Variants in UTRN observed in about 807,000 individuals in gnomAD.
UTRN encodes the protein dystrophin-related protein 1.
Under a neutral mutation model 463.9 loss-of-function variants are expected in UTRN, and 283 were observed. The ratio of observed to expected loss-of-function variants is 0.61; its 90% CI spans 0.55 to 0.67. The LOEUF (loss-of-function observed/expected upper bound fraction) is 0.67, where lower values mean the gene tolerates loss of function less well. Ranked by LOEUF, UTRN falls within the 30% of genes least tolerant of loss-of-function variation. UTRN has a pLI of 0.00. For missense variants in UTRN, 3,922 were observed against 4,084.3 expected, an observed-to-expected ratio of 0.96 and a Z score of 1.08; for synonymous variants, 1,442 against 1,431.5, an observed-to-expected ratio of 1.01 and a Z score of -0.17.
rs374839785 is a variant in UTRN at position 144,693,615 on chromosome 6, T to C, written c.7653-6472T>C. On this transcript the variant is annotated intron_variant, in intron 52 of 74. Coordinates refer to ENST00000367545, the MANE Select transcript of UTRN (RefSeq NM_007124.3). ...TTGTAGAGATCTTTCCCTTCCCTGA[T>C]TAGCTATACTCGTAAGTAATTTATT... Among the ~76,000 whole-genome samples the C allele has an allele frequency of 1.1e-4, 16 of 152,310 alleles. No homozygotes were observed. In the East Asian group the frequency reaches 1.3e-3, roughly 13 times the overall value.
chr6:144,338,324 A>G (rs751269723), intron 2 of UTRN, among the ~76,000 whole-genome samples: 1 of 152,106 alleles, frequency 6.6e-6, no homozygotes, highest in Non-Finnish European at 1.5e-5. Context: ...TCCTAGCTGG[A>G]CACAAATGGG....
chr6:144,292,013 GT>G, intron 2 of UTRN, 106 bp downstream of exon 2: 1 of 1,065,990 alleles, frequency 9.4e-7, no homozygotes, highest in Non-Finnish European at 1.3e-6. Flanking sequence ...TGGAGGTGAA[GT>G]TCTTTTAAGA....
chr6:144,834,153 C>T (rs1197302581), intron 69 of UTRN, among the ~76,000 whole-genome samples: 1 of 152,158 alleles, frequency 6.6e-6, no homozygotes, highest in Non-Finnish European at 1.5e-5. Context: ...TTTCCAGTTG[C>T]TAACTGTGTT....
intron 53 of UTRN, among the ~76,000 whole-genome samples, chr6:144,719,342 G>A (rs1474825921): frequency 1.3e-5 from 2 of 152,148 alleles, no homozygotes; most frequent in Non-Finnish European, 2.9e-5. Context: ...ACTTTGGGAG[G>A]CCGAGGAAGG....
At chr6:144,495,078 T>G (rs1434203803) in intron 33 of UTRN, among the ~76,000 whole-genome samples, 1 of 152,260 alleles carries the variant, frequency 6.6e-6, no homozygotes, top group Non-Finnish European at 1.5e-5. Context: ...GGAGTCCAGC[T>G]GGCTTCACCC....
At chr6:144,569,468 C>G (rs967154012) in intron 50 of UTRN, among the ~76,000 whole-genome samples, 6 of 152,002 alleles carry the variant, frequency 3.9e-5, no homozygotes, top group African/African-American at 1.2e-4. Context: ...TCACCAAATT[C>G]ATACATGAGG....
intron 54 of UTRN, among the ~76,000 whole-genome samples, chr6:144,743,629 A>T (rs1478490642): frequency 2.0e-5 from 3 of 152,226 alleles, no homozygotes; most frequent in Non-Finnish European, 4.4e-5. Context: ...AGCAGGACTG[A>T]TTCCAAATCC....
intron 50 of UTRN, among the ~76,000 whole-genome samples, chr6:144,575,703 G>T (rs999937145): frequency 6.6e-6 from 1 of 152,050 alleles, no homozygotes; most frequent in Non-Finnish European, 1.5e-5. Flanking sequence ...AAAAAACATG[G>T]TATATATAAG....
At chr6:144,626,827 A>C (rs1775991559) in intron 51 of UTRN, among the ~76,000 whole-genome samples, 1 of 152,026 alleles carries the variant, frequency 6.6e-6, no homozygotes, top group South Asian at 2.1e-4. Context: ...TTTAGTAGAG[A>C]TGGCGTTTCA....
At chr6:144,686,096 G>C (rs1167599956) in intron 52 of UTRN, among the ~76,000 whole-genome samples, 1 of 152,074 alleles carries the variant, frequency 6.6e-6, no homozygotes, top group Admixed American at 6.6e-5. Flanking sequence ...TAGGAATTCA[G>C]TTTCATTCTT....
At chr6:144,660,375 G>A (rs1293698957) in intron 51 of UTRN, 1 of 434,904 alleles carries the variant, frequency 2.3e-6, no homozygotes, top group African/African-American at 2.1e-5. Flanking sequence ...CTCTTTGGTG[G>A]TTTAGTATAA....
chr6:144,307,979 C>T (rs1324355815), intron 2 of UTRN, among the ~76,000 whole-genome samples: 1 of 152,144 alleles, frequency 6.6e-6, no homozygotes, highest in African/African-American at 2.4e-5. Flanking sequence ...TCCCAGCCCT[C>T]TCCTACTACA....
intron 63 of UTRN, among the ~76,000 whole-genome samples, chr6:144,796,723 G>C (rs1777250652): frequency 6.6e-6 from 1 of 151,960 alleles, no homozygotes; most frequent in South Asian, 2.1e-4. Flanking sequence ...AGATATTTTG[G>C]CAAAGCATAT....
chr6:144,374,227 A>G (rs1306795197), intron 2 of UTRN, among the ~76,000 whole-genome samples: 1 of 152,212 alleles, frequency 6.6e-6, no homozygotes, highest in African/African-American at 2.4e-5. Context: ...TAAGGTAAAT[A>G]TTTTACATTT....
Position 144,429,707 on chromosome 6 carries a change from A to G in UTRN, c.821A>G (p.Lys274Arg), listed in dbSNP as rs1403884013. ...GTAGAGACACTCCCAAGGAAATATA[A>G]AAAAGAATGTGAAGAAGAGGCAATT... ...REVETLPRKY[K>R]KECEEEAINI... Residue 274 changes from lysine to arginine, a missense_variant, in exon 9 of 75, where the codon AAA becomes AGA. This residue lies in a region of UTRN where 2,349 missense variants were observed against 2,303.8 expected (regional missense o/e 1.02). Coordinates refer to ENST00000367545, the MANE Select transcript of UTRN (RefSeq NM_007124.3). 6.2e-7 allele frequency: 1 copy of G among 1,612,188 alleles called. No homozygotes were observed. The highest frequency in any genetic ancestry group is 8.5e-7 in the Non-Finnish European group (1 of 1,179,294).
chr6:144,490,284 C>T lies in UTRN; in HGVS notation c.4263+85C>T, dbSNP rs569807716. The T allele has an allele frequency of 9.2e-6, 14 of 1,520,170 alleles. 1 individual carries two copies. The South Asian group carries it at 1.7e-4, about 18-fold the overall frequency. 94.2% of individuals were successfully genotyped at this position (1,520,170 alleles called of 1,614,324 possible). A position where few individuals can be genotyped will look rare whatever the true frequency, so the allele number is the denominator to read the frequency against. ...AGAGAAAGAATTGATTACTTGGGCA[C>T]CGTTTGTATTCTTTGTGATGTAAAC... On this transcript the variant is annotated intron_variant, in intron 31 of 74. Transcript: ENST00000367545.
At chr6:144,708,957 C>G (rs1302261966) in intron 53 of UTRN, among the ~76,000 whole-genome samples, 1 of 152,162 alleles carries the variant, frequency 6.6e-6, no homozygotes, top group Admixed American at 6.6e-5. Context: ...GAGATGGAAG[C>G]TGAACTTATC....
chr6:144,331,700 C>T lies in UTRN; in HGVS notation c.79+39793C>T, dbSNP rs146425625. On this transcript the variant is annotated intron_variant, in intron 2 of 74. Transcript: ENST00000367545. ...TCTGCTTGCAGGCTTTCAAACGCAG[C>T]GATTCAGCAGCGTGGTAAGACGTGT... is the stretch of plus-strand genomic sequence containing the variant. Among the ~76,000 whole-genome samples the T allele has an allele frequency of 5.9e-5, 9 of 152,224 alleles. No homozygotes were observed. The East Asian group carries it at 9.7e-4, about 16-fold the overall frequency.
Position 144,419,934 on chromosome 6 carries a change from G to T in UTRN, c.142-1944G>T, listed in dbSNP as rs190563690. On this transcript the variant is annotated intron_variant, in intron 3 of 74. Transcript: ENST00000367545. ...ATCTTTATTCATCTTTGTAATTCAG[G>T]TCTCTTCAGGTACACACACTTGTGC... is the stretch of plus-strand genomic sequence containing the variant. 1.3e-5 allele frequency among the ~76,000 whole-genome samples: 2 copies of T among 150,752 alleles called. 1 individual carries two copies. Among genetic ancestry groups the T allele is most frequent in the African/African-American group, 4.9e-5 (2 of 41,010 alleles).
Sources: gnomAD v4.1 joint callset for allele counts (sites outside exome capture counted in the v4.1 genomes callset) on GRCh38, gnomAD v4.1.1 for gene constraint, gnomAD v4.1.1 regional missense constraint, MANE v1.5 for transcripts, NCBI Gene and HGNC (gene_info 2026-07-23, HGNC 2026-07-21) for gene names.